TMEM161B: variants seen among roughly 807,000 people sequenced by gnomAD.
TMEM161B encodes the protein transmembrane protein 161B.
Under a neutral mutation model 61.8 loss-of-function variants are expected in TMEM161B, and 34 were observed. That is an observed-to-expected ratio of 0.55 (90% CI 0.42 to 0.73). The LOEUF (loss-of-function observed/expected upper bound fraction) is 0.73. TMEM161B is among the 30% of genes least tolerant of loss of function. The probability of loss-of-function intolerance (pLI) is 0.00; values close to 1 mark genes in which losing one functional copy is unlikely to be tolerated. For synonymous variants in TMEM161B, 167 were observed against 192.8 expected, an observed-to-expected ratio of 0.87 and a Z score of 1.11; for missense variants, 456 against 558.5, an observed-to-expected ratio of 0.82 and a Z score of 1.85.
intron 2 of TMEM161B, among the ~76,000 whole-genome samples, chr5:88,233,750 GA>G (rs1751389223): frequency 6.6e-6 from 1 of 152,016 alleles, no homozygotes; most frequent in South Asian, 2.1e-4. Context: ...TACCTTTTCT[GA>G]TATGGAAGAG....
At position 88,236,023 on chromosome 5, in the gene TMEM161B, G is replaced by C. The variant is rs77391650; in HGVS notation, c.107+4790C>G. On this transcript the variant is annotated intron_variant, in intron 2 of 11. Transcript: ENST00000296595. ...TTTAAATTTTTCCCTTAGGTCATAG[G>C]TCCCACCTACTGTGCATCTGAATGG... is the stretch of plus-strand genomic sequence containing the variant. Among the ~76,000 whole-genome samples the C allele has an allele frequency of 1.2e-4, 19 of 152,214 alleles. No homozygotes were observed. The East Asian group carries it at 3.5e-3, about 28-fold the overall frequency.
chr5:88,230,862 G>T (rs1750870794), intron 2 of TMEM161B, among the ~76,000 whole-genome samples: 1 of 152,188 alleles, frequency 6.6e-6, no homozygotes, highest in Non-Finnish European at 1.5e-5. Context: ...GTGGGCCCCA[G>T]ATAGCTGCAG....
chr5:88,218,817 C>A (rs186106026), intron 5 of TMEM161B, among the ~76,000 whole-genome samples: 1 of 152,250 alleles, frequency 6.6e-6, no homozygotes, highest in Admixed American at 6.5e-5. Context: ...AAAATTAATT[C>A]TTAGGGTAAA....
chr5:88,254,138 TAAA>T (rs1754680162), intron 1 of TMEM161B, among the ~76,000 whole-genome samples: 1 of 151,998 alleles, frequency 6.6e-6, no homozygotes, highest in Admixed American at 6.6e-5. Context: ...ATCAAAAACA[TAAA>T]AAAGTTTATC....
intron 8 of TMEM161B, among the ~76,000 whole-genome samples, chr5:88,205,369 C>T (rs189270020): frequency 5.3e-5 from 8 of 152,072 alleles, no homozygotes; most frequent in African/African-American, 1.7e-4. Flanking sequence ...AAACAAACAC[C>T]TCTTACATAC....
At position 88,259,924 on chromosome 5, in the gene TMEM161B, C is replaced by A. The variant is rs369769663; in HGVS notation, c.3+8797G>T. ...CAAGACAAACAAAAGACTGGCACAA[C>A]AGCACAAGGGACAAGAAGCCTGGGT... On this transcript the variant is annotated intron_variant, in intron 1 of 11. Transcript: ENST00000296595. 2.2e-4 allele frequency among the ~76,000 whole-genome samples: 34 copies of A among 152,202 alleles called. No individual in the cohort carries two copies. The East Asian group carries it at 2.3e-3, about 10-fold the overall frequency.
In TMEM161B at chr5:88,203,030, C is replaced by T. The variant is rs767895550; in HGVS notation, c.846G>A (p.Leu282=). 4.3e-6 allele frequency: 7 copies of T among 1,611,034 alleles called. No individual in the cohort carries two copies. The highest frequency in any genetic ancestry group is 1.3e-5 in the African/African-American group (1 of 74,822). The change falls in exon 9 of 12, where the codon CTG becomes CTA. Residue 282 remains leucine (L), a synonymous_variant. Transcript: ENST00000296595. The stretch of plus-strand genomic sequence containing the variant: ...CTTTGGTGATTGGTTTTACCCAGAG[C>T]AGAACCATAAATAAAGGTGCCAAGA... ...INFLAPLFMV[L]LWVKPITKDY... is the part of the protein sequence containing the mutation.
At chr5:88,197,804 A>T in intron 10 of TMEM161B, 39 bp from the exon 11 acceptor site, 1 of 1,544,770 alleles carries the variant, frequency 6.5e-7, no homozygotes, top group South Asian at 1.1e-5. Flanking sequence ...AATGCAACTG[A>T]CATGTTAGGA....
intron 1 of TMEM161B, among the ~76,000 whole-genome samples, chr5:88,261,812 A>C (rs1158807270): frequency 6.6e-6 from 1 of 151,994 alleles, no homozygotes. Flanking sequence ...CATAGACCTA[A>C]ATGTAAAACA....
intron 2 of TMEM161B, among the ~76,000 whole-genome samples, chr5:88,233,645 T>G (rs528955383): frequency 1.3e-5 from 2 of 152,288 alleles, no homozygotes; most frequent in South Asian, 4.1e-4. Flanking sequence ...ACAAGGGCAG[T>G]GAATCAACAG....
At chr5:88,212,282 C>T (rs1277509075) in intron 5 of TMEM161B, among the ~76,000 whole-genome samples, 1 of 152,172 alleles carries the variant, frequency 6.6e-6, no homozygotes, top group Non-Finnish European at 1.5e-5. Flanking sequence ...ACCTACCCCA[C>T]ATTCATGCTT....
chr5:88,188,212 C>A (rs1382851663), downstream of TMEM161B, among the ~76,000 whole-genome samples: 1 of 151,918 alleles, frequency 6.6e-6, no homozygotes, highest in Non-Finnish European at 1.5e-5. Context: ...TCAAGCGATT[C>A]TCCTGCCTCA....
chr5:88,212,068 G>A (rs1485603773), intron 5 of TMEM161B, among the ~76,000 whole-genome samples: 1 of 151,990 alleles, frequency 6.6e-6, no homozygotes, highest in Admixed American at 6.6e-5. Context: ...GAAAAATAAA[G>A]CAAAACTAGG....
In TMEM161B at chr5:88,197,782, T is replaced by C. The variant is rs767456480; in HGVS notation, c.1090-17A>G. 1 of 1,603,532 alleles carries C rather than the reference T, an allele frequency of 6.2e-7. No homozygotes were observed. Among genetic ancestry groups the C allele is most frequent in the East Asian group, 2.2e-5 (1 of 44,710 alleles). ...TCGAGCCACCTGCAACCAACAACAT[T>C]CTTAAGTGTCTAATGCAACTGACAT... On this transcript the variant is annotated splice_polypyrimidine_tract_variant and intron_variant, in intron 10 of 11. Coordinates refer to ENST00000296595, the MANE Select transcript of TMEM161B (RefSeq NM_153354.5).
chr5:88,238,611 C>T (rs1159492243), intron 2 of TMEM161B, among the ~76,000 whole-genome samples: 1 of 151,948 alleles, frequency 6.6e-6, no homozygotes, highest in Admixed American at 6.6e-5. Flanking sequence ...AAAGAATGCC[C>T]TCGGATTTCT....
downstream of TMEM161B, chr5:88,190,244 A>C (rs776946186): frequency 1.7e-5 from 12 of 700,772 alleles, no homozygotes; most frequent in Non-Finnish European, 3.1e-5. Context: ...GAACGGCTGG[A>C]CCTTGCCTTG....
At chr5:88,230,639 C>T (rs1750835235) in intron 2 of TMEM161B, among the ~76,000 whole-genome samples, 1 of 152,082 alleles carries the variant, frequency 6.6e-6, no homozygotes, top group African/African-American at 2.4e-5. Flanking sequence ...TCTTTCATCC[C>T]TTGGTGCTTT....
In TMEM161B at chr5:88,196,422, G is replaced by A. The variant is rs1292091361; in HGVS notation, c.1253C>T (p.Ser418Phe). 6.2e-7 allele frequency: 1 copy of A among 1,613,136 alleles called. No homozygotes were observed. Among genetic ancestry groups the A allele is most frequent in the Admixed American group, 1.7e-5 (1 of 59,934 alleles). The change falls in exon 12 of 12, where the codon TCC becomes TTC. Residue 418 changes from serine (S) to phenylalanine (F), a missense_variant. This residue lies in a region of TMEM161B where 367 missense variants were observed against 427.3 expected (regional missense o/e 0.86). Coordinates refer to ENST00000296595, the MANE Select transcript of TMEM161B (RefSeq NM_153354.5). ...STLPVDNSLL[S>F]NSVYSELPSA... is the part of the protein sequence containing the mutation. ...TGGTAATTCAGAGTAAACAGAATTG[G>A]ACAGTAGACTATTATCCACTGGTAA...
At chr5:88,247,306 T>G (rs1185158188) in intron 1 of TMEM161B, among the ~76,000 whole-genome samples, 1 of 152,088 alleles carries the variant, frequency 6.6e-6, no homozygotes, top group East Asian at 1.9e-4. Flanking sequence ...ACAAACGTGC[T>G]GCAATTTATA....
Sources: allele counts gnomAD v4.1 joint callset (sites outside exome capture counted in the v4.1 genomes callset), GRCh38; gene constraint gnomAD v4.1.1; regional missense constraint gnomAD v4.1.1; transcripts MANE v1.5; gene names NCBI Gene and HGNC (gene_info 2026-07-23, HGNC 2026-07-21).